The following RGS7 variants were observed in gnomAD, a reference collection of about 807,000 sequenced individuals.
RGS7 encodes the protein regulator of G-protein signaling 7.
Under a neutral mutation model 81.1 loss-of-function variants are expected in RGS7, and 27 were observed. The observed-to-expected ratio is 0.33, with a 90% confidence interval of 0.25 to 0.46. RGS7 has a LOEUF of 0.46. RGS7 is among the 20% of genes least tolerant of loss of function. The pLI, the probability that RGS7 is intolerant of heterozygous loss-of-function variation, is 1.00. For synonymous variants in RGS7, 208 were observed against 207.7 expected, an observed-to-expected ratio of 1.00 and a Z score of -0.01; for missense variants, 396 against 607.4, an observed-to-expected ratio of 0.65 and a Z score of 3.66.
intron 2 of RGS7, among the ~76,000 whole-genome samples, chr1:241,293,162 C>T (rs534046958): frequency 6.6e-6 from 1 of 152,282 alleles, no homozygotes; most frequent in South Asian, 2.1e-4. Context: ...TTCCTATCGC[C>T]TAGCAACACT....
chr1:240,914,298 T>A (rs982805178), intron 6 of RGS7, among the ~76,000 whole-genome samples: 1 of 152,196 alleles, frequency 6.6e-6, no homozygotes, highest in Non-Finnish European at 1.5e-5. Context: ...ATTAGCATTC[T>A]GCTTAGATAA....
intron 6 of RGS7, among the ~76,000 whole-genome samples, chr1:240,888,152 G>A (rs1667690885): frequency 6.6e-6 from 1 of 152,162 alleles, no homozygotes; most frequent in South Asian, 2.1e-4. Context: ...AGTTGCACCC[G>A]CACAGGTGAT....
chr1:240,848,627 C>T (rs909496798), intron 9 of RGS7, among the ~76,000 whole-genome samples: 3 of 64,950 alleles, frequency 4.6e-5, no homozygotes, highest in South Asian at 4.0e-4. Flanking sequence ...TCATTTATAA[C>T]GAGAGGTTTT....
intron 2 of RGS7, among the ~76,000 whole-genome samples, chr1:241,249,753 A>G (rs1381403378): frequency 6.6e-6 from 1 of 152,162 alleles, no homozygotes; most frequent in Non-Finnish European, 1.5e-5. Flanking sequence ...ACTCTTGGAC[A>G]AGTGAACAAG....
At chr1:241,324,601 C>T (rs899963288) in intron 2 of RGS7, among the ~76,000 whole-genome samples, 1 of 152,204 alleles carries the variant, frequency 6.6e-6, no homozygotes, top group Non-Finnish European at 1.5e-5. Flanking sequence ...CTGGAACACA[C>T]CACTGTCTGC....
intron 6 of RGS7, among the ~76,000 whole-genome samples, chr1:240,912,222 G>A (rs1671890088): frequency 1.4e-5 from 2 of 145,738 alleles, no homozygotes; most frequent in Admixed American, 6.9e-5. Context: ...GTAAAGGTGT[G>A]ATGTAAGCTG....
intron 3 of RGS7, among the ~76,000 whole-genome samples, chr1:240,989,061 T>G (rs1686074787): frequency 6.6e-6 from 1 of 152,162 alleles, no homozygotes; most frequent in African/African-American, 2.4e-5. Flanking sequence ...AATTCCATCC[T>G]GGATAACATG....
At chr1:240,801,181 A>G (rs1687966920) in intron 17 of RGS7, among the ~76,000 whole-genome samples, 2 of 152,192 alleles carry the variant, frequency 1.3e-5, no homozygotes, top group African/African-American at 4.8e-5. Context: ...ATAAAGAATA[A>G]TTATTATTCC....
chr1:240,788,074 A>G (rs188341157), intron 18 of RGS7, among the ~76,000 whole-genome samples: 1 of 152,366 alleles, frequency 6.6e-6, no homozygotes, highest in African/African-American at 2.4e-5. Flanking sequence ...AAATTATTAA[A>G]TGGGACAACA....
chr1:241,353,176 C>G (rs1321003950), intron 2 of RGS7, among the ~76,000 whole-genome samples: 1 of 152,202 alleles, frequency 6.6e-6, no homozygotes, highest in Admixed American at 6.5e-5. Flanking sequence ...AATTAATAAG[C>G]ATTGTAATCT....
intron 4 of RGS7, among the ~76,000 whole-genome samples, chr1:240,976,010 C>T (rs551830608): frequency 2.8e-4 from 43 of 152,342 alleles, no homozygotes; most frequent in Admixed American, 1.3e-3. Context: ...CAGAAACTCA[C>T]GTTGTGCTTG....
intron 3 of RGS7, among the ~76,000 whole-genome samples, chr1:240,986,467 T>C (rs1026587484): frequency 1.3e-5 from 2 of 151,894 alleles, no homozygotes; most frequent in African/African-American, 4.8e-5. Flanking sequence ...AATGAATAAA[T>C]AGCAAGACTC....
At chr1:241,293,441 A>G (rs973366419) in intron 2 of RGS7, among the ~76,000 whole-genome samples, 1 of 152,144 alleles carries the variant, frequency 6.6e-6, no homozygotes, top group African/African-American at 2.4e-5. Context: ...TCCAGAAGGC[A>G]TTGTTGTCAT....
chr1:241,190,816 A>T (rs2147782517), intron 2 of RGS7, among the ~76,000 whole-genome samples: 1 of 151,688 alleles, frequency 6.6e-6, no homozygotes, highest in Non-Finnish European at 1.5e-5. Flanking sequence ...GCCCCATCTT[A>T]TTGCATTAGC....
At chr1:240,940,806 CAGAAGT>C (rs1321477235) in intron 4 of RGS7, among the ~76,000 whole-genome samples, 1 of 151,746 alleles carries the variant, frequency 6.6e-6, no homozygotes, top group African/African-American at 2.4e-5. Flanking sequence ...AAAAGAAAAA[CAGAAGT>C]GAGTGATCAT....
chr1:240,872,039 T>C (rs1664580614), intron 6 of RGS7, among the ~76,000 whole-genome samples: 2 of 152,196 alleles, frequency 1.3e-5, no homozygotes, highest in Non-Finnish European at 2.9e-5. Flanking sequence ...GATTTTATTT[T>C]TTACATGACT....
chr1:241,129,052 T>C (rs2066896592), intron 2 of RGS7, among the ~76,000 whole-genome samples: 1 of 152,192 alleles, frequency 6.6e-6, no homozygotes, highest in Admixed American at 6.5e-5. Context: ...TAAACATAAC[T>C]TTAGATAATT....
At chr1:241,041,303 C>T (rs151208690) in intron 3 of RGS7, among the ~76,000 whole-genome samples, 1 of 149,994 alleles carries the variant, frequency 6.7e-6, no homozygotes, top group African/African-American at 2.4e-5. Context: ...CTAATTCATT[C>T]TAATCATTTC....
intron 9 of RGS7, among the ~76,000 whole-genome samples, chr1:240,848,999 C>A (rs934101382): frequency 2.0e-5 from 3 of 152,136 alleles, no homozygotes; most frequent in Non-Finnish European, 4.4e-5. Context: ...CCAGATGATG[C>A]CTTTTAACCA....
Sources: gnomAD v4.1 joint callset for allele counts (sites outside exome capture counted in the v4.1 genomes callset) on GRCh38, gnomAD v4.1.1 for gene constraint, MANE v1.5 for transcripts, NCBI Gene and HGNC (gene_info 2026-07-23, HGNC 2026-07-21) for gene names.